Variants in TGFBR3 observed in about 807,000 individuals in gnomAD.
TGFBR3 encodes transforming growth factor beta receptor type 3.
TGFBR3 carries 46 observed loss-of-function variants against 87.9 expected under a neutral mutation model. The ratio of observed to expected loss-of-function variants is 0.52; its 90% CI spans 0.41 to 0.67. The LOEUF is 0.67. TGFBR3 is among the 30% of genes least tolerant of loss of function. TGFBR3 has a pLI of 0.00. For missense variants in TGFBR3, 866 were observed against 1,041.9 expected (o/e 0.83, Z 2.32); for synonymous variants, 381 against 391.6 (o/e 0.97, Z 0.32).
At chr1:91,713,829 C>CCA (rs1389283409) in intron 12 of TGFBR3, among the ~76,000 whole-genome samples, 3 of 151,998 alleles carry the variant, frequency 2.0e-5, no homozygotes, top group Non-Finnish European at 4.4e-5. Flanking sequence ...TACATATGTG[C>CCA]TATTACTAAA....
chr1:91,706,292 C>G (rs184814996), intron 14 of TGFBR3, among the ~76,000 whole-genome samples: 117 of 152,276 alleles, frequency 7.7e-4, no homozygotes, highest in African/African-American at 2.4e-3. Context: ...TCACAAGATA[C>G]AGGTCATAAA....
chr1:91,756,427 C>T (rs1377372071), intron 4 of TGFBR3, among the ~76,000 whole-genome samples: 1 of 152,052 alleles, frequency 6.6e-6, no homozygotes, highest in Non-Finnish European at 1.5e-5. Context: ...GTTTGAGTAC[C>T]AACTCTGCAA....
intron 3 of TGFBR3, 53 bp from the exon 4 acceptor site, chr1:91,758,803 A>C (rs966141395): frequency 6.2e-7 from 1 of 1,612,022 alleles, no homozygotes. Context: ...TTCCATGAAA[A>C]TCACTCAGAG....
intron 7 of TGFBR3, among the ~76,000 whole-genome samples, chr1:91,727,235 T>C (rs901183632): frequency 4.6e-5 from 7 of 152,260 alleles, no homozygotes; most frequent in Admixed American, 1.3e-4. Flanking sequence ...GTCCATACTT[T>C]CTCTAAGTAC....
At chr1:91,898,638 C>T (rs1327569117) in intron 2 of TGFBR3, among the ~76,000 whole-genome samples, 1 of 152,100 alleles carries the variant, frequency 6.6e-6, no homozygotes, top group African/African-American at 2.4e-5. Flanking sequence ...CGGGGTTTCA[C>T]CGTGTTAGCA....
chr1:91,839,378 T>C (rs145370226), intron 2 of TGFBR3, among the ~76,000 whole-genome samples: 1 of 152,312 alleles, frequency 6.6e-6, no homozygotes, highest in East Asian at 1.9e-4. Flanking sequence ...CAAGGTAGCA[T>C]CTGAATTACA....
chr1:91,880,003 G>A (rs1679008828), intron 1 of TGFBR3, among the ~76,000 whole-genome samples: 1 of 152,164 alleles, frequency 6.6e-6, no homozygotes, highest in Non-Finnish European at 1.5e-5. Context: ...AAGAAACAAT[G>A]CTATCATTCC....
intron 16 of TGFBR3, among the ~76,000 whole-genome samples, chr1:91,693,147 G>C (rs1423330218): frequency 6.6e-6 from 1 of 152,202 alleles, no homozygotes; most frequent in African/African-American, 2.4e-5. Context: ...GTCCTGAAGT[G>C]AGTCTTCTTC....
At chr1:91,784,657 G>A (rs1674894044) in intron 3 of TGFBR3, among the ~76,000 whole-genome samples, 1 of 152,192 alleles carries the variant, frequency 6.6e-6, no homozygotes. Flanking sequence ...AAAGTGGCAA[G>A]AATTGAGAGA....
intron 2 of TGFBR3, among the ~76,000 whole-genome samples, chr1:91,810,308 C>T (rs1013376799): frequency 1.3e-5 from 2 of 152,198 alleles, no homozygotes; most frequent in African/African-American, 4.8e-5. Context: ...ATCCACCTGC[C>T]TTGGCCTCCC....
upstream of TGFBR3, among the ~76,000 whole-genome samples, chr1:91,887,235 C>CTTTTTTTT: frequency 2.3e-4 from 3 of 12,816 alleles, no homozygotes; most frequent in Non-Finnish European, 9.3e-4. Flanking sequence ...TGGACCTATG[C>CTTTTTTTT]CTTTTTTTTT....
At chr1:91,830,475 C>T (rs1240412484) in intron 2 of TGFBR3, among the ~76,000 whole-genome samples, 1 of 152,168 alleles carries the variant, frequency 6.6e-6, no homozygotes, top group Non-Finnish European at 1.5e-5. Flanking sequence ...CCAGTTGCCA[C>T]AGTGACTGGT....
Position 91,680,461 on chromosome 1 carries a change from A to T in TGFBR3, c.*3278T>A, listed in dbSNP as rs1256927510. The T allele has an allele frequency of 4.4e-6, 2 of 454,160 alleles. No individual in the cohort carries two copies. Among genetic ancestry groups the T allele is most frequent in the East Asian group, 1.4e-4 (2 of 14,398 alleles). The allele number at this position is 454,160 out of a possible 1,614,324, so 28.1% of individuals were successfully genotyped here. A position where few individuals can be genotyped will look rare whatever the true frequency, so the allele number is the denominator to read the frequency against. ...GCTGACACACTGAACAGAGAAAAGA[A>T]TACAACAGGGGTGTTCAAACTGGCC... On this transcript the variant is annotated 3_prime_UTR_variant, in exon 17 of 17. Coordinates refer to ENST00000212355, the MANE Select transcript of TGFBR3 (RefSeq NM_003243.5).
intron 2 of TGFBR3, among the ~76,000 whole-genome samples, chr1:91,823,770 T>A (rs1260699001): frequency 1.3e-5 from 2 of 152,218 alleles, no homozygotes; most frequent in Non-Finnish European, 2.9e-5. Context: ...ATTCTCTGTA[T>A]CTTGATTGCA....
At chr1:91,695,617 T>C (rs1441221787) in intron 16 of TGFBR3, 55 bp downstream of exon 16, 4 of 1,337,006 alleles carry the variant, frequency 3.0e-6, no homozygotes, top group Non-Finnish European at 4.3e-6. Flanking sequence ...TGAGTGTCTA[T>C]TGTGTGGCAG....
At chr1:91,888,835 A>G (rs1427909772), upstream of TGFBR3, among the ~76,000 whole-genome samples, 1 of 152,218 alleles carries the variant, frequency 6.6e-6, no homozygotes, top group African/African-American at 2.4e-5. Flanking sequence ...GATTCACAAC[A>G]GTAACCATCA....
intron 1 of TGFBR3, chr1:91,861,856 G>GT (rs1678209083): frequency 4.6e-5 from 9 of 193,614 alleles, no homozygotes; most frequent in Admixed American, 2.1e-4. Context: ...TTTGTTATTG[G>GT]CTTTTTTTTT....
In TGFBR3 at chr1:91,732,001, G is replaced by A. The variant is rs373886488; in HGVS notation, c.569-2028C>T. Among the ~76,000 whole-genome samples the A allele has an allele frequency of 3.4e-4, 52 of 152,268 alleles. 1 individual carries two copies. The highest frequency in any genetic ancestry group is 7.2e-4 in the Admixed American group (11 of 15,302). ...AATGCCTGGCATCAAAACTTATACCGAGTGCCAAGTAGAAAGGAAACCACA... is the reference window on the plus strand; with the variant it reads ...AATGCCTGGCATCAAAACTTATACCAAGTGCCAAGTAGAAAGGAAACCACA... On this transcript the variant is annotated intron_variant, in intron 5 of 16. Transcript: ENST00000212355.
chr1:91,846,756 CCTT>C (rs1309480530), intron 2 of TGFBR3, among the ~76,000 whole-genome samples: 1 of 152,010 alleles, frequency 6.6e-6, no homozygotes, highest in East Asian at 1.9e-4. Context: ...CTCAAAATGT[CCTT>C]CTTCCAATCA....
Sources: allele counts gnomAD v4.1 joint callset (sites outside exome capture counted in the v4.1 genomes callset), GRCh38; gene constraint gnomAD v4.1.1; transcripts MANE v1.5; gene names NCBI Gene and HGNC (gene_info 2026-07-23, HGNC 2026-07-21).